The following ZFYVE27 variants were observed in gnomAD, a reference collection of about 807,000 sequenced individuals.
ZFYVE27 encodes protrudin.
ZFYVE27 carries 36 observed loss-of-function variants against 52.8 expected under a neutral mutation model. That is an observed-to-expected ratio of 0.68 (90% CI 0.52 to 0.90). The LOEUF (loss-of-function observed/expected upper bound fraction) is 0.90. Among genes scored for constraint, ZFYVE27 ranks in the 40% least tolerant of loss-of-function variants. The pLI is 0.00. For missense variants in ZFYVE27, 450 were observed against 527.2 expected, an observed-to-expected ratio of 0.85 and a Z score of 1.43; for synonymous variants, 223 against 215.6, an observed-to-expected ratio of 1.03 and a Z score of -0.30.
At chr10:97,750,186 AGGTGACTCGCTCAGAGTTAGGAG>A (rs2046557134) in intron 6 of ZFYVE27, 122 bp from the exon 7 acceptor site, 2 of 972,236 alleles carry the variant, frequency 2.1e-6, no homozygotes, top group East Asian at 5.1e-5. Context: ...GGCTTAAGTT[AGGTGACTCGCTCAGAGTTAGGAG>A]GGTGACTCTT....
intron 8 of ZFYVE27, among the ~76,000 whole-genome samples, chr10:97,752,401 T>C (rs529313740): frequency 2.0e-5 from 3 of 152,332 alleles, no homozygotes; most frequent in East Asian, 3.9e-4. Flanking sequence ...AACTTTGATA[T>C]ATGATTGTAG....
At chr10:97,745,106 C>T (rs558771249) in intron 4 of ZFYVE27, among the ~76,000 whole-genome samples, 191 bp downstream of exon 4, 1 of 152,294 alleles carries the variant, frequency 6.6e-6, no homozygotes, top group East Asian at 1.9e-4. Flanking sequence ...GGCTGACTTA[C>T]TTAGCTAGAA....
Position 97,759,403 on chromosome 10 carries a change from G to A in ZFYVE27, c.*103G>A. 8.2e-7 allele frequency: 1 copy of A among 1,225,232 alleles called. No homozygotes were observed. Among genetic ancestry groups the A allele is most frequent in the Admixed American group, 1.8e-5 (1 of 55,446 alleles). 75.9% of individuals were successfully genotyped at this position (1,225,232 alleles called of 1,614,324 possible). ...ACTGTGGTGTGTGCTGGGCAAATGTGGCCTGAATGCTAGGTAGGCTTCCCC... is the reference window on the plus strand; with the variant it reads ...ACTGTGGTGTGTGCTGGGCAAATGTAGCCTGAATGCTAGGTAGGCTTCCCC... On this transcript the variant is annotated 3_prime_UTR_variant, in exon 13 of 13. Coordinates refer to ENST00000684270, the MANE Select transcript of ZFYVE27 (RefSeq NM_001385875.1).
intron 2 of ZFYVE27, among the ~76,000 whole-genome samples, chr10:97,740,205 A>G (rs1288882683): frequency 1.3e-5 from 2 of 152,214 alleles, no homozygotes; most frequent in Non-Finnish European, 2.9e-5. Flanking sequence ...GTATTTATCC[A>G]TGCCTCAGTC....
chr10:97,753,318 G>A (rs908566193), intron 10 of ZFYVE27, 136 bp downstream of exon 10: 8 of 1,364,626 alleles, frequency 5.9e-6, no homozygotes, highest in Middle Eastern at 2.5e-4. Context: ...GGGAGTGAAG[G>A]TGTGTCCGCG....
intron 10 of ZFYVE27, 157 bp from the exon 11 acceptor site, chr10:97,757,108 C>A: frequency 2.1e-6 from 2 of 931,202 alleles, no homozygotes; most frequent in Non-Finnish European, 3.3e-6. Flanking sequence ...TTGAGTCCTT[C>A]TTTCTGTCTC....
rs1266703108 is a variant in ZFYVE27, at chr10:97,760,444, C to T, written c.*1144C>T. 6.6e-6 allele frequency: 1 copy of T among 152,412 alleles called. No individual in the cohort carries two copies. The highest frequency in any genetic ancestry group is 1.9e-4 in the East Asian group (1 of 5,206). 9.4% of individuals were successfully genotyped at this position (152,412 alleles called of 1,614,324 possible). ...CTTCCCTTCCCTGGAGCTGCCCTGC[C>T]TTTCTCAAGTATTTATTTATTTATT... On this transcript the variant is annotated 3_prime_UTR_variant, in exon 13 of 13. Transcript: ENST00000684270.
chr10:97,745,056 T>C, intron 4 of ZFYVE27, 141 bp downstream of exon 4: 1 of 1,008,580 alleles, frequency 9.9e-7, no homozygotes, highest in Admixed American at 2.2e-5. Flanking sequence ...TTCCGGGAGG[T>C]AGTTAATATT....
intron 2 of ZFYVE27, among the ~76,000 whole-genome samples, chr10:97,739,597 C>A (rs184648889): frequency 6.6e-6 from 1 of 152,302 alleles, no homozygotes; most frequent in African/African-American, 2.4e-5. Flanking sequence ...AAATTAATAA[C>A]TCCTTGATAT....
Position 97,744,600 on chromosome 10 carries a change from A to G in ZFYVE27, c.269-129A>G, listed in dbSNP as rs2044661601. 3.5e-5 allele frequency: 37 copies of G among 1,060,590 alleles called. 1 individual carries two copies. The highest frequency in any genetic ancestry group is 5.2e-5 in the Non-Finnish European group (37 of 709,896). The allele number at this position is 1,060,590 out of a possible 1,614,324, so 65.7% of individuals were successfully genotyped here. A position where few individuals can be genotyped will look rare whatever the true frequency, so the allele number is the denominator to read the frequency against. On this transcript the variant is annotated intron_variant, in intron 3 of 12. Transcript: ENST00000684270. ...GAGTAGGGGTGAGACACTGTGTCGT[A>G]CAGAGCTATCAGGGAAGGCCTGACT...
At chr10:97,742,320 G>A (rs907366601) in intron 2 of ZFYVE27, among the ~76,000 whole-genome samples, 5 of 151,956 alleles carry the variant, frequency 3.3e-5, no homozygotes, top group African/African-American at 9.7e-5. Flanking sequence ...TATCAGGGAC[G>A]GAGCCAGCAG....
intron 8 of ZFYVE27, among the ~76,000 whole-genome samples, chr10:97,752,579 G>A (rs1025398537): frequency 2.0e-4 from 30 of 152,224 alleles, no homozygotes; most frequent in Middle Eastern, 6.8e-3. Context: ...CGTTGTAAGG[G>A]ATATTTTCTT....
At chr10:97,757,528 A>C (rs900399643) in intron 11 of ZFYVE27, 114 bp from the exon 12 acceptor site, 19 of 1,345,620 alleles carry the variant, frequency 1.4e-5, no homozygotes, top group East Asian at 9.2e-5. Context: ...CCACTTGGGC[A>C]CCCCCCAGGC....
At chr10:97,753,797 C>G (rs939618985) in intron 10 of ZFYVE27, among the ~76,000 whole-genome samples, 1 of 152,198 alleles carries the variant, frequency 6.6e-6, no homozygotes, top group South Asian at 2.1e-4. Context: ...CTTGGTCTTT[C>G]TTATCCAGCT....
intron 4 of ZFYVE27, 135 bp from the exon 5 acceptor site, chr10:97,748,134 C>T: frequency 1.2e-6 from 1 of 842,372 alleles, no homozygotes; most frequent in Non-Finnish European, 1.9e-6. Flanking sequence ...GCTCTCTCGA[C>T]TCCTCTCTCT....
At chr10:97,750,168 G>A in intron 6 of ZFYVE27, 163 bp from the exon 7 acceptor site, 1 of 802,902 alleles carries the variant, frequency 1.2e-6, no homozygotes, top group South Asian at 1.6e-5. Flanking sequence ...TCTAAGTTTT[G>A]TTTAAGAGGC....
At chr10:97,756,557 C>G (rs2048380812) in intron 10 of ZFYVE27, among the ~76,000 whole-genome samples, 1 of 152,182 alleles carries the variant, frequency 6.6e-6, no homozygotes, top group African/African-American at 2.4e-5. Context: ...TCTCCTCTCC[C>G]CTTACACCCC....
Position 97,759,936 on chromosome 10 carries a change from G to C in ZFYVE27, c.*636G>C, listed in dbSNP as rs2049246653. On this transcript the variant is annotated 3_prime_UTR_variant, in exon 13 of 13. Transcript: ENST00000684270. ...AGAATGTGTATAGGAGGGTTTGGCTGAGTCCTTCAGCGTTAAGTGGAGGAA... is the reference window on the plus strand; with the variant it reads ...AGAATGTGTATAGGAGGGTTTGGCTCAGTCCTTCAGCGTTAAGTGGAGGAA... The C allele has an allele frequency of 6.3e-6, 1 of 158,208 alleles. No individual in the cohort carries two copies. Among genetic ancestry groups the C allele is most frequent in the Admixed American group, 5.9e-5 (1 of 16,956 alleles). 9.8% of individuals were successfully genotyped at this position (158,208 alleles called of 1,614,324 possible). A position where few individuals can be genotyped will look rare whatever the true frequency, so the allele number is the denominator to read the frequency against.
chr10:97,747,925 T>C lies in ZFYVE27; in HGVS notation c.456-344T>C, dbSNP rs559086588. On this transcript the variant is annotated intron_variant, in intron 4 of 12. Coordinates refer to ENST00000684270, the MANE Select transcript of ZFYVE27 (RefSeq NM_001385875.1). ...ATGCCATTTATTCTGACAGCTGCTGTGTACCCGTGAGGTGGGTCCTCTGAT... is the reference window on the plus strand; with the variant it reads ...ATGCCATTTATTCTGACAGCTGCTGCGTACCCGTGAGGTGGGTCCTCTGAT... Among the ~76,000 whole-genome samples, 160 of 152,316 alleles carry C rather than the reference T, an allele frequency of 1.1e-3. 1 individual carries two copies. Among genetic ancestry groups the C allele is most frequent in the African/African-American group, 3.7e-3 (154 of 41,576 alleles).
Sources: allele counts gnomAD v4.1 joint callset (sites outside exome capture counted in the v4.1 genomes callset), GRCh38; gene constraint gnomAD v4.1.1; transcripts MANE v1.5; gene names NCBI Gene and HGNC (gene_info 2026-07-23, HGNC 2026-07-21).